The following NUP54 variants were observed in gnomAD, a reference collection of about 807,000 sequenced individuals.
NUP54 encodes the protein nucleoporin 54, also known as nucleoporin p54.
Under a neutral mutation model 66.4 loss-of-function variants are expected in NUP54, and 27 were observed. That is an observed-to-expected ratio of 0.41 (90% CI 0.30 to 0.56). NUP54 has a LOEUF of 0.56. NUP54 is among the 20% of genes least tolerant of loss of function. The probability of loss-of-function intolerance (pLI) is 0.34; values close to 1 mark genes in which losing one functional copy is unlikely to be tolerated. For missense variants in NUP54, 486 were observed against 596.3 expected (o/e 0.82, Z 1.93); for synonymous variants, 206 against 210.7 (o/e 0.98, Z 0.19).
intron 8 of NUP54, among the ~76,000 whole-genome samples, chr4:76,125,808 AGG>A (rs1730503093): frequency 2.4e-5 from 1 of 41,756 alleles, no homozygotes; most frequent in African/African-American, 1.1e-4. Flanking sequence ...AGGGAGAGAG[AGG>A]GAGAAGAGGG....
At chr4:76,130,579 A>G (rs1730759178) in intron 8 of NUP54, 77 bp downstream of exon 8, 1 of 939,270 alleles carries the variant, frequency 1.1e-6, no homozygotes, top group Admixed American at 1.9e-5. Context: ...ACAGTAGCAC[A>G]TATACTAAAA....
intron 9 of NUP54, among the ~76,000 whole-genome samples, chr4:76,120,359 C>T (rs940679692): frequency 4.6e-5 from 7 of 151,950 alleles, no homozygotes; most frequent in Non-Finnish European, 1.0e-4. Context: ...TCCCCACATT[C>T]CTGTCAAGAA....
chr4:76,117,574 A>G, intron 11 of NUP54, 90 bp downstream of exon 11: 1 of 784,470 alleles, frequency 1.3e-6, no homozygotes, highest in Non-Finnish European at 2.1e-6. Context: ...CATTCTCACT[A>G]ACACTTTTCT....
In NUP54 at chr4:76,136,376, G is replaced by A; in HGVS notation, c.332C>T (p.Pro111Leu). ...ATTTATCAGCTGGTTGGACTGGGTA[G>A]GAGCTTGTGTAGGCTGACTGAAGAG... is the stretch of plus-strand genomic sequence containing the variant. ...GGLFSQPTQA[P>L]TQSNQLINTA... is the part of the protein sequence containing the mutation. Residue 111 changes from proline (P) to leucine (L), a missense_variant, in exon 4 of 12, where the codon CCT (proline) becomes CTT (leucine). By Grantham distance (98) the Pro-to-Leu change is moderately conservative. Around this residue, in one of 4 missense-constraint regions of NUP54, gnomAD observed 145 missense variants for 137.1 expected, o/e 1.06. Transcript: ENST00000264883. 1 of 1,614,100 alleles carries A rather than the reference G, an allele frequency of 6.2e-7. No individual in the cohort carries two copies. The highest frequency in any genetic ancestry group is 8.5e-7 in the Non-Finnish European group (1 of 1,179,976).
In NUP54 at chr4:76,118,395, G is replaced by T. The variant is rs1730054156; in HGVS notation, c.1165-201C>A. 6.0e-5 allele frequency: 32 copies of T among 531,588 alleles called. No homozygotes were observed. The South Asian group carries it at 6.7e-4, about 11-fold the overall frequency. The allele number at this position is 531,588 out of a possible 1,614,324, so 32.9% of individuals were successfully genotyped here. Reference sequence around the variant, plus strand: ...TAAATACAATGATATAGACTTAATTGTTTTTTTTGAGACAGGGTCTTGCTC... The same window carrying T: ...TAAATACAATGATATAGACTTAATTTTTTTTTTTGAGACAGGGTCTTGCTC... On this transcript the variant is annotated intron_variant, in intron 9 of 11. Coordinates refer to ENST00000264883, the MANE Select transcript of NUP54 (RefSeq NM_017426.4).
rs1466772322 is a variant in NUP54 at position 76,135,957 on chromosome 4, T to C, written c.522+229A>G. Among the ~76,000 whole-genome samples, 2 of 152,204 alleles carry C rather than the reference T, an allele frequency of 1.3e-5. 1 individual carries two copies. The highest frequency in any genetic ancestry group is 4.1e-4 in the South Asian group (2 of 4,832). On this transcript the variant is annotated intron_variant, in intron 4 of 11. Transcript: ENST00000264883. ...TGTTTACATTTTTTTTCTTCAGTTATAAATCACATTCCAGTCACACCTTCC... is the reference window on the plus strand; with the variant it reads ...TGTTTACATTTTTTTTCTTCAGTTACAAATCACATTCCAGTCACACCTTCC...
chr4:76,140,036 TTTG>T (rs1003447771), intron 3 of NUP54, among the ~76,000 whole-genome samples: 5 of 152,146 alleles, frequency 3.3e-5, no homozygotes, highest in South Asian at 2.1e-4. Context: ...TTAAAGTAGT[TTTG>T]TTGTTGTTGT....
intron 4 of NUP54, 147 bp downstream of exon 4, chr4:76,136,039 T>C (rs1256799224): frequency 1.6e-6 from 1 of 632,106 alleles, no homozygotes; most frequent in African/African-American, 1.8e-5. Context: ...ACTTCAATTT[T>C]ATAATTTCTA....
rs372428684 is a variant in NUP54, at chr4:76,132,508, A to G, written c.907+15T>C. 2 of 1,548,974 alleles carry G rather than the reference A, an allele frequency of 1.3e-6. No homozygotes were observed. The highest frequency in any genetic ancestry group is 1.4e-5 in the African/African-American group (1 of 72,104). The stretch of plus-strand genomic sequence containing the variant: ...TCTTTCTTTTTTTTTGAACTCTGTG[A>G]TTCTAGAAACATACCAGCAGGAGGA... On this transcript the variant is annotated intron_variant, in intron 6 of 11. Transcript: ENST00000264883.
At chr4:76,117,056 G>C (rs1729981138) in intron 11 of NUP54, among the ~76,000 whole-genome samples, 1 of 152,244 alleles carries the variant, frequency 6.6e-6, no homozygotes, top group Admixed American at 6.5e-5. Flanking sequence ...TTCTCAAGTT[G>C]AAATTCTGTA....
At chr4:76,120,249 A>G (rs1398500953) in intron 9 of NUP54, among the ~76,000 whole-genome samples, 1 of 152,100 alleles carries the variant, frequency 6.6e-6, no homozygotes, top group Non-Finnish European at 1.5e-5. Flanking sequence ...AATGAGGCTG[A>G]GTTTTAAAGT....
At chr4:76,118,641 T>C (rs62299343) in intron 9 of NUP54, among the ~76,000 whole-genome samples, 21,216 of 145,380 alleles carry the variant, frequency 0.15, 1,778 homozygotes, top group East Asian at 0.36. Flanking sequence ...AGTGATCCTC[T>C]AGCCTTGGCC....
intron 8 of NUP54, among the ~76,000 whole-genome samples, chr4:76,128,799 G>A (rs1730653338): frequency 6.6e-6 from 1 of 152,192 alleles, no homozygotes; most frequent in African/African-American, 2.4e-5. Context: ...GATGAACTTG[G>A]AAGACATTTT....
chr4:76,144,207 AG>A lies in NUP54; in HGVS notation c.236del (p.Thr79MetfsTer22). 1.2e-6 allele frequency: 2 copies of A among 1,614,020 alleles called. No individual in the cohort carries two copies. Among genetic ancestry groups the A allele is most frequent in the Non-Finnish European group, 8.5e-7 (1 of 1,179,868 alleles). Reference protein sequence around the residue: ...TTTGTSTGLGTGLGTGLGFGG... With the variant: ...TTTGTSTGLGXGLGTGLGFGG... Reference sequence around the variant, plus strand: ...CAAATCCCAGTCCAGTTCCCAAACCAGTACCTAAACCAGTACTAGTTCCCGT... The same window carrying A: ...CAAATCCCAGTCCAGTTCCCAAACCATACCTAAACCAGTACTAGTTCCCGT... On this transcript the variant is annotated frameshift_variant, in exon 3 of 12. Coordinates refer to ENST00000264883, the MANE Select transcript of NUP54 (RefSeq NM_017426.4). LOFTEE classifies it high-confidence loss of function.
chr4:76,134,284 C>G lies in NUP54; in HGVS notation c.601G>C (p.Glu201Gln), dbSNP rs1490563572. 6.2e-7 allele frequency: 1 copy of G among 1,613,700 alleles called. No individual in the cohort carries two copies. Among genetic ancestry groups the G allele is most frequent in the Non-Finnish European group, 8.5e-7 (1 of 1,179,848 alleles). ...VVLVFNKKET[E>Q]IRSQQQQLVE... Reference sequence around the variant, plus strand: ...AACTGTTGTTGTTGGCTTCGAATCTCTGTTTCTTTTTTGTTGAAAACTAAA... The same window carrying G: ...AACTGTTGTTGTTGGCTTCGAATCTGTGTTTCTTTTTTGTTGAAAACTAAA... The change falls in exon 5 of 12, where the codon GAG (glutamate) becomes CAG (glutamine). Residue 201 changes from glutamate to glutamine, a missense_variant. This residue lies in a region of NUP54 where 217 missense variants were observed against 247.9 expected (regional missense o/e 0.88). Transcript: ENST00000264883.
At chr4:76,118,973 T>A (rs1223321409) in intron 9 of NUP54, among the ~76,000 whole-genome samples, 4 of 151,904 alleles carry the variant, frequency 2.6e-5, no homozygotes, top group Non-Finnish European at 5.9e-5. Context: ...GCCACTGCAC[T>A]CCAGCCTGGG....
intron 1 of NUP54, chr4:76,147,891 C>G (rs931122477): frequency 3.3e-6 from 1 of 303,620 alleles, no homozygotes; most frequent in Non-Finnish European, 6.4e-6. Flanking sequence ...TGGGCAGTGC[C>G]GGTGGATCCC....
Position 76,115,361 on chromosome 4 carries a change from A to G in NUP54, c.*5T>C. Reference sequence around the variant, plus strand: ...TCACAAACCTTTACACAAGTTTGTGAACTGTCAACTAAAGACACCACCTCT... The same window carrying G: ...TCACAAACCTTTACACAAGTTTGTGGACTGTCAACTAAAGACACCACCTCT... On this transcript the variant is annotated 3_prime_UTR_variant, in exon 12 of 12. Coordinates refer to ENST00000264883, the MANE Select transcript of NUP54 (RefSeq NM_017426.4). 1 of 1,582,440 alleles carries G rather than the reference A, an allele frequency of 6.3e-7. No individual in the cohort carries two copies. Among genetic ancestry groups the G allele is most frequent in the Non-Finnish European group, 8.6e-7 (1 of 1,168,548 alleles).
chr4:76,139,810 A>G (rs1731187535), intron 3 of NUP54, among the ~76,000 whole-genome samples: 1 of 152,230 alleles, frequency 6.6e-6, no homozygotes, highest in Non-Finnish European at 1.5e-5. Context: ...GAGATGGACA[A>G]TAACAAGTTC....
Sources: allele counts gnomAD v4.1 joint callset (sites outside exome capture counted in the v4.1 genomes callset), GRCh38; gene constraint gnomAD v4.1.1; regional missense constraint gnomAD v4.1.1; transcripts MANE v1.5; gene names NCBI Gene and HGNC (gene_info 2026-07-23, HGNC 2026-07-21).